The following GRIN2B variants were observed in gnomAD, a reference collection of about 807,000 sequenced individuals.
The protein encoded by GRIN2B is glutamate receptor ionotropic, NMDA 2B.
In GRIN2B, 5 loss-of-function variants were observed where a neutral mutation model predicts 114.5. The observed-to-expected ratio is 0.04, with a 90% CI of 0.02 to 0.09. The LOEUF is 0.09. GRIN2B is among the 10% of genes least tolerant of loss of function. GRIN2B has a pLI of 1.00. For synonymous variants in GRIN2B, 787 were observed against 745.1 expected (o/e 1.06, Z -0.92); for missense variants, 1,108 against 1,943.5 (o/e 0.57, Z 8.08).
chr12:13,717,063 ACGCGTG>A (rs1350468686), intron 4 of GRIN2B, among the ~76,000 whole-genome samples: 2 of 75,124 alleles, frequency 2.7e-5, no homozygotes, highest in Admixed American at 3.1e-4. Flanking sequence ...ATCATGCCAT[ACGCGTG>A]TGTGTGTGTG....
intron 3 of GRIN2B, among the ~76,000 whole-genome samples, chr12:13,788,368 T>C (rs967937881): frequency 6.6e-6 from 1 of 152,194 alleles, no homozygotes; most frequent in African/African-American, 2.4e-5. Context: ...CACATTTCTC[T>C]CATTTCTACT....
intron 3 of GRIN2B, among the ~76,000 whole-genome samples, chr12:13,764,031 C>T (rs774164754): frequency 5.3e-5 from 8 of 152,086 alleles, no homozygotes; most frequent in African/African-American, 7.2e-5. Context: ...GGAATAGACA[C>T]GTGAAGTTTC....
chr12:13,886,834 C>T (rs892867639), intron 2 of GRIN2B, among the ~76,000 whole-genome samples: 2 of 152,128 alleles, frequency 1.3e-5, no homozygotes, highest in Admixed American at 6.5e-5. Flanking sequence ...CAGAATAAAC[C>T]CTCACCCATA....
At chr12:13,665,368 C>T (rs145767861) in intron 5 of GRIN2B, among the ~76,000 whole-genome samples, 115 of 152,220 alleles carry the variant, frequency 7.6e-4, no homozygotes, top group African/African-American at 2.7e-3. Context: ...CCAGCTCCAC[C>T]CCAGATGCTG....
At chr12:13,565,622 G>A (rs375911865) in intron 13 of GRIN2B, among the ~76,000 whole-genome samples, 1 of 152,138 alleles carries the variant, frequency 6.6e-6, no homozygotes, top group African/African-American at 2.4e-5. Flanking sequence ...GCCTGGAAAG[G>A]TGGACAAACT....
rs553503603 is a variant in GRIN2B, at chr12:13,554,979, T to C, written c.*7804A>G. 1.3e-5 allele frequency: 2 copies of C among 152,076 alleles called. No individual in the cohort carries two copies. The highest frequency in any genetic ancestry group is 4.8e-5 in the African/African-American group (2 of 41,412). 9.4% of individuals were successfully genotyped at this position (152,076 alleles called of 1,614,324 possible). A position where few individuals can be genotyped will look rare whatever the true frequency, so the allele number is the denominator to read the frequency against. On this transcript the variant is annotated 3_prime_UTR_variant, in exon 14 of 14. Coordinates refer to ENST00000609686, the MANE Select transcript of GRIN2B (RefSeq NM_000834.5). ...AGTGTTCAGAAGGTGACTGGAAGTATGTGTATGAAGGAAAAGCAAAAGGTA... is the reference window on the plus strand; with the variant it reads ...AGTGTTCAGAAGGTGACTGGAAGTACGTGTATGAAGGAAAAGCAAAAGGTA...
Position 13,756,611 on chromosome 12 carries a change from T to C in GRIN2B, c.412-2696A>G, listed in dbSNP as rs145188303. Among the ~76,000 whole-genome samples the C allele has an allele frequency of 1.7e-4, 26 of 152,318 alleles. No homozygotes were observed. In the East Asian group the frequency reaches 5.0e-3, roughly 29 times the overall value. On this transcript the variant is annotated intron_variant, in intron 3 of 13. Coordinates refer to ENST00000609686, the MANE Select transcript of GRIN2B (RefSeq NM_000834.5). Reference sequence around the variant, plus strand: ...AGTGGTTATAGCAAAGTGAAGAAACTTTCCAATATGCTTTAAGATGTACAA... The same window carrying C: ...AGTGGTTATAGCAAAGTGAAGAAACCTTCCAATATGCTTTAAGATGTACAA...
chr12:13,848,370 G>A (rs974457918), intron 3 of GRIN2B, among the ~76,000 whole-genome samples: 2 of 152,062 alleles, frequency 1.3e-5, no homozygotes, highest in Non-Finnish European at 2.9e-5. Context: ...ACAGACCCAG[G>A]ACTGAATCGA....
At chr12:13,890,547 G>C (rs2136775995) in intron 2 of GRIN2B, among the ~76,000 whole-genome samples, 2 of 152,320 alleles carry the variant, frequency 1.3e-5, no homozygotes, top group Non-Finnish European at 2.9e-5. Context: ...TCTGGTTGGA[G>C]AAGAAAACCA....
intron 2 of GRIN2B, among the ~76,000 whole-genome samples, chr12:13,915,964 C>T (rs1866711295): frequency 6.6e-6 from 1 of 152,002 alleles, no homozygotes; most frequent in Admixed American, 6.6e-5. Context: ...AACATCTCCC[C>T]TTGGTTCACT....
chr12:13,860,388 G>T (rs1437340445), intron 3 of GRIN2B, among the ~76,000 whole-genome samples: 2 of 152,164 alleles, frequency 1.3e-5, no homozygotes, highest in Non-Finnish European at 2.9e-5. Flanking sequence ...GAGTGCAGTG[G>T]TGCAATCTCG....
At chr12:13,754,113 T>C (rs1217375907) in intron 3 of GRIN2B, among the ~76,000 whole-genome samples, 198 bp from the exon 4 acceptor site, 2 of 152,252 alleles carry the variant, frequency 1.3e-5, no homozygotes, top group Non-Finnish European at 2.9e-5. Context: ...CTTCCTAAAA[T>C]TGTCTCCTAG....
chr12:13,725,782 C>A (rs988702124), intron 4 of GRIN2B, among the ~76,000 whole-genome samples: 2 of 152,168 alleles, frequency 1.3e-5, no homozygotes, highest in African/African-American at 4.8e-5. Context: ...GAAACCCCAA[C>A]TTCACTGAAC....
intron 2 of GRIN2B, among the ~76,000 whole-genome samples, chr12:13,966,170 G>T (rs1006152966): frequency 6.6e-6 from 1 of 152,290 alleles, no homozygotes. Flanking sequence ...TTAAAATAGG[G>T]TTAATAGTTC....
chr12:13,959,015 A>G (rs1020114492), intron 2 of GRIN2B, among the ~76,000 whole-genome samples: 3 of 152,188 alleles, frequency 2.0e-5, no homozygotes, highest in African/African-American at 7.2e-5. Flanking sequence ...TATTCTCTAA[A>G]AATACTAAGG....
chr12:13,894,606 T>A (rs1426783022), intron 2 of GRIN2B, among the ~76,000 whole-genome samples: 1 of 152,198 alleles, frequency 6.6e-6, no homozygotes, highest in South Asian at 2.1e-4. Context: ...TTTTCTATTT[T>A]TTTTCCAAAT....
In GRIN2B at chr12:13,547,974, TATA is replaced by T. The variant is rs1948364504; in HGVS notation, c.*14806_*14808del. ...GTATGTGTGTGTATATATATATATATATATATATTTTTTTTTTTTTTCTGAAAG... is the reference window on the plus strand; with the variant it reads ...GTATGTGTGTGTATATATATATATATTATATTTTTTTTTTTTTTCTGAAAG... On this transcript the variant is annotated 3_prime_UTR_variant, in exon 14 of 14. Coordinates refer to ENST00000609686, the MANE Select transcript of GRIN2B (RefSeq NM_000834.5). The T allele has an allele frequency of 1.3e-5, 1 of 75,428 alleles. No homozygotes were observed. Among genetic ancestry groups the T allele is most frequent in the African/African-American group, 5.0e-5 (1 of 20,064 alleles). 4.7% of individuals were successfully genotyped at this position (75,428 alleles called of 1,614,324 possible).
chr12:13,582,179 G>C (rs1948861812), intron 10 of GRIN2B, among the ~76,000 whole-genome samples: 1 of 152,188 alleles, frequency 6.6e-6, no homozygotes, highest in South Asian at 2.1e-4. Flanking sequence ...TGTGGATATG[G>C]TGACAGATTA....
chr12:13,850,553 C>T (rs1304767270), intron 3 of GRIN2B, among the ~76,000 whole-genome samples: 1 of 152,152 alleles, frequency 6.6e-6, no homozygotes, highest in Non-Finnish European at 1.5e-5. Flanking sequence ...CCTTTCTTCT[C>T]TAATTCTCTT....
Sources: gnomAD v4.1 joint callset for allele counts (sites outside exome capture counted in the v4.1 genomes callset) on GRCh38, gnomAD v4.1.1 for gene constraint, MANE v1.5 for transcripts, NCBI Gene and HGNC (gene_info 2026-07-23, HGNC 2026-07-21) for gene names.